TOM1: variants seen among roughly 807,000 people sequenced by gnomAD.
TOM1 encodes target of Myb protein 1.
A neutral mutation model predicts 61.3 loss-of-function variants in TOM1; 38 were observed. That is an observed-to-expected ratio of 0.62 (90% CI 0.48 to 0.81). The LOEUF is 0.81. Ranked by LOEUF, TOM1 falls within the 40% of genes least tolerant of loss-of-function variation. The pLI is 0.00. For synonymous variants in TOM1, 270 were observed against 268.8 expected (o/e 1.00, Z -0.04); for missense variants, 591 against 659.6 (o/e 0.90, Z 1.14).
At chr22:35,343,474 C>T in intron 12 of TOM1, among the ~76,000 whole-genome samples, 1 of 143,246 alleles carries the variant, frequency 7.0e-6, no homozygotes, top group African/African-American at 2.6e-5. Context: ...ATTCATACAC[C>T]TACACACACC....
chr22:35,347,131 G>GC lies in TOM1; in HGVS notation c.1406dup (p.Pro471SerfsTer16). On this transcript the variant is annotated frameshift_variant, in exon 15 of 15. Transcript: ENST00000449058. LOFTEE classifies it high-confidence loss of function. ...ACCTCTCCAGCCCCTCAGCTGAGGG[G>GC]CCCCCGGGTCCCCCATCTGGCCCAG... 1 of 1,613,140 alleles carries GC rather than the reference G, an allele frequency of 6.2e-7. No homozygotes were observed. Among genetic ancestry groups the GC allele is most frequent in the Non-Finnish European group, 8.5e-7 (1 of 1,179,632 alleles).
intron 2 of TOM1, among the ~76,000 whole-genome samples, chr22:35,319,762 G>A (rs1027741129): frequency 5.3e-5 from 8 of 152,218 alleles, no homozygotes; most frequent in South Asian, 4.1e-4. Context: ...AGCCAGGGAC[G>A]GGCGAGGGGC....
Position 35,347,161 on chromosome 22 carries a change from C to T in TOM1, c.1431C>T (p.Pro477=). ...GPPGPPSGPA[P]RKKTQEKDDD... ...CGGGTCCCCCATCTGGCCCAGCGCCCCGGAAGAAGACCCAGGAGAAAGATG... is the reference window on the plus strand; with the variant it reads ...CGGGTCCCCCATCTGGCCCAGCGCCTCGGAAGAAGACCCAGGAGAAAGATG... Residue 477 remains proline (P), a synonymous_variant, in exon 15 of 15, where the codon CCC becomes CCT. Transcript: ENST00000449058. 6.2e-7 allele frequency: 1 copy of T among 1,613,252 alleles called. No homozygotes were observed. The highest frequency in any genetic ancestry group is 8.5e-7 in the Non-Finnish European group (1 of 1,179,708).
rs151225253 is a variant in TOM1, at chr22:35,343,159, CCA to C, written c.1225-2560_1225-2559del. ...ACATCTACACCCACCACACACACCT[CCA>C]CACACCACACCTACACACACCACAC... On this transcript the variant is annotated intron_variant, in intron 12 of 14. Coordinates refer to ENST00000449058, the MANE Select transcript of TOM1 (RefSeq NM_005488.3). Among the ~76,000 whole-genome samples the C allele has an allele frequency of 7.3e-4, 98 of 134,556 alleles. 1 individual carries two copies. The highest frequency in any genetic ancestry group is 1.2e-3 in the Non-Finnish European group (74 of 62,448). The allele number at this position is 134,556 out of a possible 152,430, so 88.3% of individuals were successfully genotyped here.
At chr22:35,320,233 G>C (rs1279608643) in intron 2 of TOM1, among the ~76,000 whole-genome samples, 1 of 152,224 alleles carries the variant, frequency 6.6e-6, no homozygotes, top group African/African-American at 2.4e-5. Flanking sequence ...AAGTGTTGTG[G>C]AAGGGGTGGA....
At chr22:35,300,605 CG>C (rs1279230968) in intron 1 of TOM1, among the ~76,000 whole-genome samples, 1 of 152,130 alleles carries the variant, frequency 6.6e-6, no homozygotes, top group Non-Finnish European at 1.5e-5. Context: ...AGACAGTGGT[CG>C]GACAAACCCT....
At position 35,323,019 on chromosome 22, in the gene TOM1, G is replaced by A. The variant is rs1484569497; in HGVS notation, c.217-9G>A. The stretch of plus-strand genomic sequence containing the variant: ...CCAAGGTGCTCGACGGCACCTCTCG[G>A]CCCTCCAGGTCTTAGAAACCTGTGT... On this transcript the variant is annotated splice_polypyrimidine_tract_variant and intron_variant, in intron 3 of 14. Transcript: ENST00000449058. This position sits in a 1 kb window ranked among gnomAD's most constrained non-coding sequence, Gnocchi z 4.2. The A allele has an allele frequency of 6.2e-7, 1 of 1,613,602 alleles. No individual in the cohort carries two copies.
chr22:35,345,599 G>A (rs1018310849), intron 12 of TOM1, 126 bp from the exon 13 acceptor site: 33 of 905,006 alleles, frequency 3.6e-5, no homozygotes, highest in Middle Eastern at 2.4e-4. Flanking sequence ...TGGTGGGTCC[G>A]GGCAGCTAGG....
At chr22:35,322,219 G>A (rs564376557) in intron 3 of TOM1, 182 bp downstream of exon 3, 6 of 597,350 alleles carry the variant, frequency 1.0e-5, no homozygotes, top group Admixed American at 8.9e-5. Context: ...AGGCCATTTG[G>A]AAAGGTTCTC....
At chr22:35,322,344 C>A in intron 3 of TOM1, 1 of 343,236 alleles carries the variant, frequency 2.9e-6, no homozygotes, top group Non-Finnish European at 5.4e-6. Flanking sequence ...CAGGCCTCCG[C>A]GGGGGCAGGG....
chr22:35,334,182 C>G (rs1254104059), intron 10 of TOM1, 146 bp from the exon 11 acceptor site: 9 of 1,065,366 alleles, frequency 8.4e-6, no homozygotes, highest in Non-Finnish European at 1.2e-5. Flanking sequence ...CCACAGCCAG[C>G]AGCAGGTGGC....
At chr22:35,305,640 C>T (rs1926262535) in intron 1 of TOM1, among the ~76,000 whole-genome samples, 2 of 141,676 alleles carry the variant, frequency 1.4e-5, no homozygotes, top group South Asian at 4.7e-4. Context: ...AGCCTGGTGA[C>T]AGAGTGAGAC....
At chr22:35,304,588 C>T (rs1293601518) in intron 1 of TOM1, among the ~76,000 whole-genome samples, 2 of 152,206 alleles carry the variant, frequency 1.3e-5, no homozygotes, top group African/African-American at 4.8e-5. Context: ...ACGCCATTCT[C>T]CTGCCTCAGC....
intron 1 of TOM1, 24 bp downstream of exon 1, chr22:35,300,004 G>A (rs758885009): frequency 6.4e-7 from 1 of 1,557,248 alleles, no homozygotes; most frequent in Non-Finnish European, 8.7e-7. Flanking sequence ...GCCCCCCACA[G>A]CTCCGCCCCG....
upstream of TOM1, chr22:35,299,725 G>C (rs951281026): frequency 3.3e-6 from 2 of 608,282 alleles, no homozygotes; most frequent in South Asian, 2.0e-5. Flanking sequence ...CGCCGCCGCC[G>C]AGCAAGCCGC....
intron 7 of TOM1, among the ~76,000 whole-genome samples, 159 bp downstream of exon 7, chr22:35,327,546 T>C (rs1451490677): frequency 6.6e-6 from 1 of 152,212 alleles, no homozygotes; most frequent in South Asian, 2.1e-4. Flanking sequence ...CGCCATCAGA[T>C]TGGAATCAGA....
chr22:35,313,600 G>A (rs1190421318), intron 1 of TOM1, among the ~76,000 whole-genome samples: 1 of 152,222 alleles, frequency 6.6e-6, no homozygotes, highest in African/African-American at 2.4e-5. Context: ...AGAGGGGCTG[G>A]ATCTTTGCCC....
At position 35,340,906 on chromosome 22, in the gene TOM1, C is replaced by T. The variant is rs146232102; in HGVS notation, c.1224+2118C>T. 9.2e-5 allele frequency among the ~76,000 whole-genome samples: 14 copies of T among 152,304 alleles called. No homozygotes were observed. In the East Asian group the frequency reaches 9.6e-4, roughly 10 times the overall value. On this transcript the variant is annotated intron_variant, in intron 12 of 14. Transcript: ENST00000449058. ...AGTCAGAACAGGGCAAGGTGGAGGA[C>T]GCTGGGGTGGGCCATCTGGGCCTCT...
chr22:35,345,375 C>G (rs1930418881), intron 12 of TOM1: 1 of 349,242 alleles, frequency 2.9e-6, no homozygotes, highest in Non-Finnish European at 5.5e-6. Context: ...TCCTGAGCAC[C>G]TGCAGCATAG....
Sources: gnomAD v4.1 joint callset for allele counts (sites outside exome capture counted in the v4.1 genomes callset) on GRCh38, gnomAD v4.1.1 for gene constraint, Gnocchi (gnomAD v3.1) non-coding constraint, MANE v1.5 for transcripts, NCBI Gene and HGNC (gene_info 2026-07-23, HGNC 2026-07-21) for gene names.